ERBB4: variants seen among roughly 807,000 people sequenced by gnomAD.
ERBB4 encodes the protein erb-b2 receptor tyrosine kinase 4, also known as receptor tyrosine-protein kinase erbB-4.
Under a neutral mutation model 158.0 loss-of-function variants are expected in ERBB4, and 42 were observed. The ratio of observed to expected loss-of-function variants is 0.27; its 90% CI spans 0.21 to 0.34. The LOEUF is 0.34. Ranked by LOEUF, ERBB4 falls within the 10% of genes least tolerant of loss-of-function variation. ERBB4 has a pLI of 1.00. For synonymous variants in ERBB4, 583 were observed against 558.7 expected, an observed-to-expected ratio of 1.04 and a Z score of -0.61; for missense variants, 1,333 against 1,624.1, an observed-to-expected ratio of 0.82 and a Z score of 3.08.
intron 3 of ERBB4, among the ~76,000 whole-genome samples, chr2:211,917,232 A>C (rs2079721169): frequency 6.6e-6 from 1 of 152,162 alleles, no homozygotes; most frequent in Non-Finnish European, 1.5e-5. Flanking sequence ...AATTAGATTT[A>C]TTGGTAAAAC....
At chr2:212,016,717 T>C (rs1191380785) in intron 2 of ERBB4, among the ~76,000 whole-genome samples, 4 of 152,118 alleles carry the variant, frequency 2.6e-5, no homozygotes, top group East Asian at 1.9e-4. Context: ...GCTTTTTACA[T>C]AGTGGTGTTA....
chr2:212,009,139 T>C (rs1299017143), intron 2 of ERBB4, among the ~76,000 whole-genome samples: 1 of 152,132 alleles, frequency 6.6e-6, no homozygotes, highest in African/African-American at 2.4e-5. Flanking sequence ...CTGTAGTATG[T>C]TGATTTGGTG....
At chr2:212,520,595 CCTAT>C (rs1692102651) in intron 1 of ERBB4, among the ~76,000 whole-genome samples, 1 of 151,860 alleles carries the variant, frequency 6.6e-6, no homozygotes, top group Non-Finnish European at 1.5e-5. Flanking sequence ...AAAATTTCTA[CCTAT>C]CTCTCAGTCT....
At chr2:211,392,155 T>G (rs2062811354) in intron 25 of ERBB4, among the ~76,000 whole-genome samples, 1 of 152,210 alleles carries the variant, frequency 6.6e-6, no homozygotes, top group African/African-American at 2.4e-5. Context: ...AACACTCTGA[T>G]GAGCATCTCC....
intron 20 of ERBB4, among the ~76,000 whole-genome samples, chr2:211,436,777 AATT>A (rs1171286867): frequency 3.3e-5 from 5 of 152,212 alleles, no homozygotes; most frequent in Non-Finnish European, 5.9e-5. Flanking sequence ...ACAATTTCAG[AATT>A]ATTATTATTC....
At chr2:211,856,077 T>C (rs914950365) in intron 3 of ERBB4, among the ~76,000 whole-genome samples, 1 of 152,206 alleles carries the variant, frequency 6.6e-6, no homozygotes, top group Non-Finnish European at 1.5e-5. Context: ...AGTGTACCCA[T>C]GTAACAAAAT....
intron 19 of ERBB4, among the ~76,000 whole-genome samples, chr2:211,613,971 A>G (rs1236511327): frequency 1.3e-5 from 2 of 152,114 alleles, no homozygotes; most frequent in African/African-American, 2.4e-5. Flanking sequence ...CTGCACTCCT[A>G]TGATTGTTGC....
chr2:211,453,649 CAT>C (rs1375326607), intron 20 of ERBB4, among the ~76,000 whole-genome samples: 4 of 152,240 alleles, frequency 2.6e-5, no homozygotes, highest in East Asian at 3.9e-4. Context: ...ACTCCATAGA[CAT>C]GTGTTATAAA....
intron 19 of ERBB4, among the ~76,000 whole-genome samples, chr2:211,563,250 G>A (rs535872166): frequency 4.0e-5 from 6 of 151,664 alleles, no homozygotes; most frequent in South Asian, 2.1e-4. Flanking sequence ...ACTTTGTTAC[G>A]GCTTGATATG....
intron 22 of ERBB4, among the ~76,000 whole-genome samples, chr2:211,427,821 AACT>A (rs2063662230): frequency 1.4e-5 from 2 of 146,684 alleles, no homozygotes; most frequent in South Asian, 4.9e-4. Flanking sequence ...ATTGTCCCTA[AACT>A]AAAATTGGCT....
At chr2:211,662,025 C>T (rs1349998993) in intron 15 of ERBB4, among the ~76,000 whole-genome samples, 3 of 95,768 alleles carry the variant, frequency 3.1e-5, no homozygotes, top group Admixed American at 1.8e-4. Context: ...GGCGACAGAG[C>T]GGGACTCCGT....
rs570518129 is a variant in ERBB4 at position 211,844,692 on chromosome 2, A to G, written c.422-56533T>C. ...TATATAATAGATTTACATATTTTCA[A>G]CTGTTGTTTGTTTAGTTTGGCTGCA... is the stretch of plus-strand genomic sequence containing the variant. On this transcript the variant is annotated intron_variant, in intron 3 of 27. Coordinates refer to ENST00000342788, the MANE Select transcript of ERBB4 (RefSeq NM_005235.3). 7.2e-5 allele frequency among the ~76,000 whole-genome samples: 11 copies of G among 152,272 alleles called. No individual in the cohort carries two copies. In the East Asian group the frequency reaches 2.1e-3, roughly 29 times the overall value.
intron 20 of ERBB4, among the ~76,000 whole-genome samples, chr2:211,442,866 T>C (rs558472978): frequency 2.6e-5 from 4 of 151,962 alleles, no homozygotes; most frequent in Non-Finnish European, 5.9e-5. Context: ...CTTGTTCAAG[T>C]CCGAAAAATA....
chr2:211,850,372 G>A (rs993854313), intron 3 of ERBB4, among the ~76,000 whole-genome samples: 5 of 151,564 alleles, frequency 3.3e-5, no homozygotes, highest in Admixed American at 6.6e-5. Context: ...TATATGTAGT[G>A]TATATATATG....
rs914059615 is a variant in ERBB4 at position 212,505,867 on chromosome 2, A to T, written c.82+32582T>A. Among the ~76,000 whole-genome samples, 5 of 148,974 alleles carry T rather than the reference A, an allele frequency of 3.4e-5. 1 individual carries two copies. Among genetic ancestry groups the T allele is most frequent in the Admixed American group, 6.7e-5 (1 of 14,988 alleles). The stretch of plus-strand genomic sequence containing the variant: ...ACGACACAGTACAAGGCTACTTAGT[A>T]GGAGGTATATAGGGTAAAATAAAAT... On this transcript the variant is annotated intron_variant, in intron 1 of 27. Coordinates refer to ENST00000342788, the MANE Select transcript of ERBB4 (RefSeq NM_005235.3).
chr2:212,520,315 C>G (rs1358079341), intron 1 of ERBB4, among the ~76,000 whole-genome samples: 1 of 151,902 alleles, frequency 6.6e-6, no homozygotes, highest in African/African-American at 2.4e-5. Flanking sequence ...AAAACTTCAT[C>G]CCAGTCTAGT....
chr2:211,473,922 A>G (rs1051687990), intron 20 of ERBB4, among the ~76,000 whole-genome samples: 1 of 152,040 alleles, frequency 6.6e-6, no homozygotes, highest in Non-Finnish European at 1.5e-5. Flanking sequence ...AAGTTTGTGG[A>G]GAGATTCAAC....
chr2:211,736,915 T>C (rs146494770), intron 5 of ERBB4, among the ~76,000 whole-genome samples: 2 of 152,264 alleles, frequency 1.3e-5, no homozygotes, highest in African/African-American at 4.8e-5. Flanking sequence ...ATGATTAATA[T>C]ATTGATAAAA....
chr2:212,388,781 C>T (rs1008059887), intron 1 of ERBB4, among the ~76,000 whole-genome samples: 5 of 151,990 alleles, frequency 3.3e-5, no homozygotes, highest in African/African-American at 1.2e-4. Context: ...ATTAACAGAC[C>T]GTTCTTAGGG....
Sources: gnomAD v4.1 joint callset for allele counts (sites outside exome capture counted in the v4.1 genomes callset) on GRCh38, gnomAD v4.1.1 for gene constraint, MANE v1.5 for transcripts, NCBI Gene and HGNC (gene_info 2026-07-23, HGNC 2026-07-21) for gene names.